Variants in AGBL4 observed in about 807,000 individuals in gnomAD.
AGBL4 encodes cytosolic carboxypeptidase 6.
A neutral mutation model predicts 66.4 loss-of-function variants in AGBL4; 58 were observed. That is an observed-to-expected ratio of 0.87 (90% CI 0.71 to 1.09). The LOEUF (loss-of-function observed/expected upper bound fraction) is 1.09. Among genes scored for constraint, AGBL4 ranks in the 50% least tolerant of loss-of-function variants. The pLI is 0.00. For synonymous variants in AGBL4, 234 were observed against 222.9 expected (o/e 1.05, Z -0.44); for missense variants, 579 against 631.0 (o/e 0.92, Z 0.88).
At position 48,944,194 on chromosome 1, in the gene AGBL4, C is replaced by T. The variant is rs200538810; in HGVS notation, c.595-76964G>A. Among the ~76,000 whole-genome samples, 5 of 152,044 alleles carry T rather than the reference C, an allele frequency of 3.3e-5. No individual in the cohort carries two copies. The East Asian group carries it at 5.8e-4, about 18-fold the overall frequency. ...GAAGCTCAGATGGTGGTGGGGTGGCCAGCTGGGACCACAGAGGAGACAGAG... is the reference window on the plus strand; with the variant it reads ...GAAGCTCAGATGGTGGTGGGGTGGCTAGCTGGGACCACAGAGGAGACAGAG... On this transcript the variant is annotated intron_variant, in intron 5 of 13. Coordinates refer to ENST00000371839, the MANE Select transcript of AGBL4 (RefSeq NM_032785.4).
rs528468439 is a variant in AGBL4, at chr1:49,048,368, C to T, written c.378-2568G>A. The T allele has an allele frequency of 2.6e-5, 4 of 152,264 alleles. No homozygotes were observed. The South Asian group carries it at 6.2e-4, about 24-fold the overall frequency. 9.4% of individuals were successfully genotyped at this position (152,264 alleles called of 1,614,324 possible). A position where few individuals can be genotyped will look rare whatever the true frequency, so the allele number is the denominator to read the frequency against. On this transcript the variant is annotated intron_variant, in intron 4 of 13. Transcript: ENST00000371839. Reference sequence around the variant, plus strand: ...TCCACTGAATTTGATTATGTGCTATCAGGAGAATCCATCTACTGCCTGCAG... The same window carrying T: ...TCCACTGAATTTGATTATGTGCTATTAGGAGAATCCATCTACTGCCTGCAG...
chr1:49,438,629 T>G (rs1215202718), intron 3 of AGBL4, among the ~76,000 whole-genome samples: 1 of 152,174 alleles, frequency 6.6e-6, no homozygotes, highest in Non-Finnish European at 1.5e-5. Flanking sequence ...ATAAGAATGC[T>G]TATTAATTAA....
chr1:48,828,963 C>T (rs1303538215), intron 6 of AGBL4, among the ~76,000 whole-genome samples: 1 of 152,158 alleles, frequency 6.6e-6, no homozygotes, highest in African/African-American at 2.4e-5. Context: ...ACAACCATTG[C>T]TCTTTGCTAT....
intron 12 of AGBL4, among the ~76,000 whole-genome samples, chr1:48,536,906 C>T (rs1406548581): frequency 6.6e-6 from 1 of 152,210 alleles, no homozygotes; most frequent in Non-Finnish European, 1.5e-5. Flanking sequence ...AGCTCTTGTG[C>T]CCACATTGCT....
At chr1:48,947,689 G>T (rs527916474) in intron 5 of AGBL4, among the ~76,000 whole-genome samples, 4 of 152,138 alleles carry the variant, frequency 2.6e-5, no homozygotes, top group Non-Finnish European at 5.9e-5. Flanking sequence ...TCCTCAAAAC[G>T]TAACATACTC....
intron 4 of AGBL4, among the ~76,000 whole-genome samples, chr1:49,152,523 A>G (rs1322303635): frequency 6.6e-6 from 1 of 152,212 alleles, no homozygotes. Context: ...AGTTGCATCA[A>G]AAGCATCTGA....
chr1:49,092,297 T>C (rs917740663), intron 4 of AGBL4, among the ~76,000 whole-genome samples: 2 of 152,186 alleles, frequency 1.3e-5, no homozygotes, highest in South Asian at 2.1e-4. Context: ...GATAATGTTT[T>C]AGAGTGTGTA....
At chr1:49,636,694 G>A (rs1486375001) in intron 3 of AGBL4, among the ~76,000 whole-genome samples, 1 of 152,142 alleles carries the variant, frequency 6.6e-6, no homozygotes, top group South Asian at 2.1e-4. Flanking sequence ...AATCTATGCT[G>A]TTACAAATCA....
chr1:49,069,648 T>C (rs919738276), intron 4 of AGBL4, among the ~76,000 whole-genome samples: 3 of 151,920 alleles, frequency 2.0e-5, no homozygotes, highest in Non-Finnish European at 2.9e-5. Context: ...TGTAGTATAG[T>C]TTGAAGTCAG....
At chr1:49,401,183 G>A (rs12132846) in intron 3 of AGBL4, among the ~76,000 whole-genome samples, 374 of 152,250 alleles carry the variant, frequency 2.5e-3, no homozygotes, top group Non-Finnish European at 3.7e-3. Flanking sequence ...CTCATGGCAG[G>A]AGGCACCTCT....
intron 3 of AGBL4, among the ~76,000 whole-genome samples, chr1:49,441,537 T>C (rs1243940783): frequency 6.6e-6 from 1 of 152,154 alleles, no homozygotes; most frequent in African/African-American, 2.4e-5. Flanking sequence ...ATTAGTAAAT[T>C]TGGACCTACT....
rs138975090 is a variant in AGBL4, at chr1:49,976,671, A to G, written c.34+47092T>C. 3.5e-3 allele frequency among the ~76,000 whole-genome samples: 529 copies of G among 152,360 alleles called. 1 individual carries two copies. The highest frequency in any genetic ancestry group is 0.017 in the Middle Eastern group (5 of 294). ...TAAACTTGTGCTACAAAATGGCATC[A>G]GCATCACAGAGCTTTATAATGATGT... On this transcript the variant is annotated intron_variant, in intron 1 of 13. Transcript: ENST00000371839.
intron 3 of AGBL4, among the ~76,000 whole-genome samples, chr1:49,392,228 A>G (rs912031443): frequency 2.6e-5 from 4 of 152,236 alleles, no homozygotes; most frequent in Admixed American, 2.6e-4. Flanking sequence ...TTATAGCCAC[A>G]TTATGGTTAA....
chr1:49,923,089 C>T (rs1488502565), intron 1 of AGBL4, among the ~76,000 whole-genome samples: 1 of 152,098 alleles, frequency 6.6e-6, no homozygotes, highest in Non-Finnish European at 1.5e-5. Flanking sequence ...CTACAGTTAC[C>T]AAAACAGCAT....
intron 5 of AGBL4, among the ~76,000 whole-genome samples, chr1:48,877,603 G>A (rs1649348336): frequency 1.3e-5 from 2 of 152,018 alleles, no homozygotes; most frequent in Admixed American, 1.3e-4. Flanking sequence ...TTAAAGACAT[G>A]GAGAAAAAAA....
chr1:48,783,490 T>C (rs563805773), intron 6 of AGBL4, among the ~76,000 whole-genome samples: 5 of 152,212 alleles, frequency 3.3e-5, no homozygotes, highest in African/African-American at 1.2e-4. Flanking sequence ...ACTTGTCATG[T>C]AGATGACAGA....
At chr1:48,651,046 T>C (rs1447539725) in intron 8 of AGBL4, among the ~76,000 whole-genome samples, 1 of 152,128 alleles carries the variant, frequency 6.6e-6, no homozygotes, top group South Asian at 2.1e-4. Context: ...TTCTGAGTCT[T>C]TATTATTTTT....
intron 4 of AGBL4, among the ~76,000 whole-genome samples, chr1:49,095,658 C>A (rs1266891764): frequency 2.0e-5 from 3 of 151,816 alleles, no homozygotes; most frequent in Non-Finnish European, 2.9e-5. Context: ...GAAACTGGAT[C>A]CCTTCCTTAC....
At chr1:49,503,935 A>G (rs1293368871) in intron 3 of AGBL4, among the ~76,000 whole-genome samples, 1 of 152,134 alleles carries the variant, frequency 6.6e-6, no homozygotes, top group Non-Finnish European at 1.5e-5. Flanking sequence ...TTGGAAAGGC[A>G]TGATTGTGTT....
Sources: gnomAD v4.1 joint callset for allele counts (sites outside exome capture counted in the v4.1 genomes callset) on GRCh38, gnomAD v4.1.1 for gene constraint, MANE v1.5 for transcripts, NCBI Gene and HGNC (gene_info 2026-07-23, HGNC 2026-07-21) for gene names.